The following VCF2 variants were observed in gnomAD, a reference collection of about 807,000 sequenced individuals.
VCF2 encodes VCP nuclear cofactor family member 2, also known as protein VCF2.
chrX:55,149,781 A>T, the VCF2 span, among the ~76,000 whole-genome samples: 2 of 112,216 alleles, frequency 1.8e-5, no homozygotes, highest in African/African-American at 6.5e-5. Context: ...GATGACCAAA[A>T]CTTAATAAAT....
the VCF2 span, among the ~76,000 whole-genome samples, chrX:55,146,593 A>T: frequency 8.9e-6 from 1 of 112,048 alleles, no homozygotes; most frequent in Non-Finnish European, 1.9e-5. Flanking sequence ...GCAATTCCAA[A>T]TCCCTTCACA....
chrX:55,159,193 T>C, the VCF2 span: 1 of 1,208,604 alleles, frequency 8.3e-7, no homozygotes, highest in East Asian at 3.0e-5. Flanking sequence ...GGTGGAATGA[T>C]GGTTGCCCTC....
chrX:55,151,312 C>T, the VCF2 span, among the ~76,000 whole-genome samples: 1 of 112,244 alleles, frequency 8.9e-6, no homozygotes, highest in Non-Finnish European at 1.9e-5. Context: ...AAGCTGGCCT[C>T]ATATATTGTC....
At chrX:55,146,650 A>G in the VCF2 span, among the ~76,000 whole-genome samples, 1 of 112,303 alleles carries the variant, frequency 8.9e-6, no homozygotes, top group African/African-American at 3.2e-5. Context: ...ACTGCATCAG[A>G]GAAGTAAGTA....
At chrX:55,159,750 A>C in the VCF2 span, among the ~76,000 whole-genome samples, 2 of 111,947 alleles carry the variant, frequency 1.8e-5, no homozygotes, top group Admixed American at 9.4e-5. Flanking sequence ...TGACATAGTT[A>C]CTCCACTAGA....
the VCF2 span, chrX:55,143,639 G>A: frequency 7.2e-6 from 3 of 414,638 alleles, no homozygotes; most frequent in African/African-American, 5.0e-5. Context: ...AAGTAAGTCC[G>A]CATGCAGGAA....
At chrX:55,143,787 C>T in the VCF2 span, 2 of 1,196,000 alleles carry the variant, frequency 1.7e-6, no homozygotes, top group Non-Finnish European at 2.3e-6. Flanking sequence ...TTTTAAACAG[C>T]TTGGTTCCTT....
the VCF2 span, among the ~76,000 whole-genome samples, chrX:55,147,634 GTTTTTTTTT>G: frequency 5.5e-5 from 3 of 54,094 alleles, no homozygotes; most frequent in South Asian, 1.5e-3. Context: ...GGCTTTCCTT[GTTTTTTTTT>G]TTTTTTTTTT....
the VCF2 span, among the ~76,000 whole-genome samples, chrX:55,157,357 A>C: frequency 9.0e-6 from 1 of 110,769 alleles, no homozygotes; most frequent in East Asian, 2.9e-4. Context: ...ACATGGAAAA[A>C]CCCCACCTCT....
At chrX:55,157,875 T>C in the VCF2 span, among the ~76,000 whole-genome samples, 1 of 112,461 alleles carries the variant, frequency 8.9e-6, no homozygotes, top group Non-Finnish European at 1.9e-5. Context: ...TGAATGTTCC[T>C]GGCAAGTTAG....
the VCF2 span, among the ~76,000 whole-genome samples, chrX:55,154,014 A>G: frequency 8.9e-6 from 1 of 112,353 alleles, no homozygotes; most frequent in Non-Finnish European, 1.9e-5. Flanking sequence ...GATCCCACTT[A>G]ATGGACCGTT....
At chrX:55,157,544 T>C in the VCF2 span, among the ~76,000 whole-genome samples, 2 of 111,571 alleles carry the variant, frequency 1.8e-5, no homozygotes, top group Admixed American at 1.9e-4. Flanking sequence ...AAAACAAAAA[T>C]GCCCCAGTTG....
chrX:55,154,197 A>T, the VCF2 span, among the ~76,000 whole-genome samples: 2,896 of 111,672 alleles, frequency 0.026, 94 homozygotes, highest in African/African-American at 0.09. Flanking sequence ...ATTGCAGCTC[A>T]CTGTGGCCTT....
At chrX:55,160,675 C>T in the VCF2 span, 2 of 510,926 alleles carry the variant, frequency 3.9e-6, no homozygotes, top group East Asian at 3.7e-5. Context: ...GTCCATAGAA[C>T]CCCAGTAACA....
the VCF2 span, among the ~76,000 whole-genome samples, chrX:55,156,481 A>G: frequency 8.9e-6 from 1 of 112,534 alleles, no homozygotes; most frequent in African/African-American, 3.2e-5. Context: ...ATGTGCTCCC[A>G]AAGTTCCAAG....
At chrX:55,147,183 G>A in the VCF2 span, among the ~76,000 whole-genome samples, 1 of 111,728 alleles carries the variant, frequency 9.0e-6, no homozygotes, top group Non-Finnish European at 1.9e-5. Flanking sequence ...ATTTAACAAT[G>A]CTGGTATTAT....
the VCF2 span, among the ~76,000 whole-genome samples, chrX:55,147,196 T>A: frequency 2.7e-5 from 3 of 111,914 alleles, no homozygotes; most frequent in African/African-American, 9.7e-5. Flanking sequence ...GGTATTATAT[T>A]TCTTCTAAGT....
the VCF2 span, among the ~76,000 whole-genome samples, chrX:55,153,223 AAAATAAACT>A: frequency 1.8e-5 from 2 of 112,561 alleles, no homozygotes; most frequent in African/African-American, 6.4e-5. Context: ...TAATCTTGGC[AAAATAAACT>A]TTCTATATTG....
At chrX:55,145,603 T>C in the VCF2 span, 1 of 757,589 alleles carries the variant, frequency 1.3e-6, no homozygotes, top group Non-Finnish European at 1.6e-6. Flanking sequence ...GAATCTGGCT[T>C]TGCATATTTG....
Sources: gnomAD v4.1 joint callset for allele counts (sites outside exome capture counted in the v4.1 genomes callset) on GRCh38, gnomAD v4.1.1 for gene constraint, MANE v1.5 for transcripts, NCBI Gene and HGNC (gene_info 2026-07-23, HGNC 2026-07-21) for gene names.